Variants in ASTN2 observed in about 807,000 individuals in gnomAD.
ASTN2 encodes astrotactin 2.
ASTN2 carries 54 observed loss-of-function variants against 139.8 expected under a neutral mutation model. The observed-to-expected ratio is 0.39, with a 90% CI of 0.31 to 0.48. ASTN2 has a LOEUF of 0.48. Ranked by LOEUF, ASTN2 falls within the 20% of genes least tolerant of loss-of-function variation. The pLI is 0.95. For synonymous variants in ASTN2, 756 were observed against 719.5 expected (o/e 1.05, Z -0.81); for missense variants, 1,565 against 1,725.1 (o/e 0.91, Z 1.64).
At chr9:117,298,241 T>C (rs2130794853) in intron 1 of ASTN2, among the ~76,000 whole-genome samples, 1 of 152,350 alleles carries the variant, frequency 6.6e-6, no homozygotes, top group East Asian at 1.9e-4. Flanking sequence ...TTCCTTGCAC[T>C]TAAATATTAA....
At chr9:116,445,176 T>A in intron 20 of ASTN2, among the ~76,000 whole-genome samples, 1 of 152,254 alleles carries the variant, frequency 6.6e-6, no homozygotes, top group Non-Finnish European at 1.5e-5. Flanking sequence ...CTGATATAAA[T>A]GAATGAATGA....
rs529303230 is a variant in ASTN2, at chr9:117,110,303, T to G, written c.1169-14152A>C. On this transcript the variant is annotated intron_variant, in intron 4 of 22. Transcript: ENST00000313400. Reference sequence around the variant, plus strand: ...TCCATTTTGACCTGCTTCTGGGAATTCACCATAAGGGACCCATCCTAGACA... The same window carrying G: ...TCCATTTTGACCTGCTTCTGGGAATGCACCATAAGGGACCCATCCTAGACA... Among the ~76,000 whole-genome samples, 207 of 152,236 alleles carry G rather than the reference T, an allele frequency of 1.4e-3. 1 individual carries two copies. The highest frequency in any genetic ancestry group is 4.9e-3 in the African/African-American group (204 of 41,556).
chr9:116,815,906 G>T (rs1831316049), intron 12 of ASTN2, among the ~76,000 whole-genome samples: 1 of 150,658 alleles, frequency 6.6e-6, no homozygotes, highest in Admixed American at 6.6e-5. Flanking sequence ...GCAGAAAAAG[G>T]TGTATAACTC....
intron 20 of ASTN2, among the ~76,000 whole-genome samples, chr9:116,453,365 G>A (rs1283872678): frequency 4.6e-5 from 7 of 152,108 alleles, no homozygotes; most frequent in African/African-American, 1.2e-4. Context: ...AGGCAGAGGC[G>A]GGTGGATCAC....
chr9:116,791,050 A>C (rs1830542379), intron 13 of ASTN2, among the ~76,000 whole-genome samples: 1 of 150,992 alleles, frequency 6.6e-6, no homozygotes, highest in Non-Finnish European at 1.5e-5. Flanking sequence ...AAAGAAAAGA[A>C]AAGAAAGAAA....
intron 1 of ASTN2, among the ~76,000 whole-genome samples, chr9:117,316,011 C>A (rs1054568747): frequency 8.5e-5 from 13 of 152,150 alleles, no homozygotes; most frequent in Non-Finnish European, 1.3e-4. Context: ...TCTCATGTAA[C>A]CTTCACAATA....
At chr9:116,827,814 A>G (rs1831679636) in intron 11 of ASTN2, among the ~76,000 whole-genome samples, 1 of 152,180 alleles carries the variant, frequency 6.6e-6, no homozygotes, top group Admixed American at 6.5e-5. Context: ...CAAACATCCA[A>G]AGAAAACTAA....
intron 6 of ASTN2, among the ~76,000 whole-genome samples, chr9:117,018,231 G>A (rs1170162023): frequency 6.6e-6 from 1 of 152,128 alleles, no homozygotes; most frequent in Non-Finnish European, 1.5e-5. Flanking sequence ...ACAAATGAAT[G>A]AGTGCACCTT....
At chr9:117,097,733 A>G (rs1828874231) in intron 4 of ASTN2, among the ~76,000 whole-genome samples, 1 of 152,270 alleles carries the variant, frequency 6.6e-6, no homozygotes. Context: ...AAAGAAAAAC[A>G]TACATTAAAG....
chr9:117,409,872 A>G (rs2130978846), intron 1 of ASTN2, among the ~76,000 whole-genome samples: 2 of 152,048 alleles, frequency 1.3e-5, no homozygotes, highest in South Asian at 4.2e-4. Context: ...CTGGCACCTC[A>G]CTCCTTCAAG....
rs571738475 is a variant in ASTN2, at chr9:116,436,153, G to C, written c.3782+4456C>G. On this transcript the variant is annotated intron_variant, in intron 22 of 22. Coordinates refer to ENST00000313400, the MANE Select transcript of ASTN2 (RefSeq NM_001365068.1). ...TAGTTAGCACATTAAATGAATCAAT[G>C]AATCAATCAATCAATGAAGTGAGAT... Among the ~76,000 whole-genome samples, 52 of 152,076 alleles carry C rather than the reference G, an allele frequency of 3.4e-4. 1 individual carries two copies. The highest frequency in any genetic ancestry group is 9.2e-4 in the Admixed American group (14 of 15,256).
chr9:117,191,930 G>C (rs1831359654), intron 3 of ASTN2, among the ~76,000 whole-genome samples: 1 of 152,184 alleles, frequency 6.6e-6, no homozygotes, highest in Non-Finnish European at 1.5e-5. Flanking sequence ...GAGAGACAGG[G>C]AGATGGAAAA....
At chr9:116,489,712 T>C (rs952033303) in intron 19 of ASTN2, among the ~76,000 whole-genome samples, 4 of 152,242 alleles carry the variant, frequency 2.6e-5, no homozygotes, top group Admixed American at 1.3e-4. Context: ...TCTGACTGAA[T>C]TGGCCAGATG....
intron 3 of ASTN2, among the ~76,000 whole-genome samples, chr9:117,195,986 T>C (rs902254090): frequency 1.3e-5 from 2 of 152,174 alleles, no homozygotes; most frequent in Non-Finnish European, 2.9e-5. Context: ...GATTTGTGAG[T>C]GAAGCAAGCC....
intron 16 of ASTN2, among the ~76,000 whole-genome samples, chr9:116,661,223 A>G (rs984765346): frequency 6.6e-6 from 1 of 151,990 alleles, no homozygotes; most frequent in African/African-American, 2.4e-5. Context: ...AGGCTGAAAA[A>G]AAAAGGTCAT....
intron 6 of ASTN2, among the ~76,000 whole-genome samples, chr9:117,028,608 CA>C (rs140950997): frequency 0.2 from 30,937 of 152,034 alleles, 3,909 homozygotes; most frequent in Middle Eastern, 0.27. Context: ...TTCATCCAGG[CA>C]GCCTTGGGAG....
chr9:116,865,714 G>A (rs1025087865), intron 10 of ASTN2, among the ~76,000 whole-genome samples: 2 of 152,172 alleles, frequency 1.3e-5, no homozygotes, highest in African/African-American at 4.8e-5. Flanking sequence ...GCCACAGCTG[G>A]TGGGTGGGTG....
intron 11 of ASTN2, among the ~76,000 whole-genome samples, chr9:116,861,484 CTAG>C (rs753407318): frequency 1.8e-4 from 27 of 152,320 alleles, no homozygotes; most frequent in Non-Finnish European, 2.6e-4. Context: ...CTCTCCCCAA[CTAG>C]CACTTTTCCA....
chr9:116,463,569 C>T (rs1848557978), intron 20 of ASTN2, among the ~76,000 whole-genome samples: 1 of 152,196 alleles, frequency 6.6e-6, no homozygotes, highest in Non-Finnish European at 1.5e-5. Context: ...TGCCTGTCAC[C>T]TCTCTGGGGC....
Sources: allele counts gnomAD v4.1 joint callset (sites outside exome capture counted in the v4.1 genomes callset), GRCh38; gene constraint gnomAD v4.1.1; transcripts MANE v1.5; gene names NCBI Gene and HGNC (gene_info 2026-07-23, HGNC 2026-07-21).